Variants in CEP295 observed in about 807,000 individuals in gnomAD.
The protein encoded by CEP295 is centrosomal protein of 295 kDa.
A neutral mutation model predicts 291.6 loss-of-function variants in CEP295; 190 were observed. The ratio of observed to expected loss-of-function variants is 0.65; its 90% CI spans 0.58 to 0.73. The LOEUF (loss-of-function observed/expected upper bound fraction) is 0.73. Ranked by LOEUF, CEP295 falls within the 30% of genes least tolerant of loss-of-function variation. CEP295 has a pLI of 0.00. For missense variants in CEP295, 2,863 were observed against 2,949.4 expected, an observed-to-expected ratio of 0.97 and a Z score of 0.68; for synonymous variants, 993 against 1,038.8, an observed-to-expected ratio of 0.96 and a Z score of 0.85.
chr11:93,691,483 A>C (rs947069782), intron 10 of CEP295, among the ~76,000 whole-genome samples, 200 bp from the exon 11 acceptor site: 3 of 152,156 alleles, frequency 2.0e-5, no homozygotes, highest in Non-Finnish European at 4.4e-5. Flanking sequence ...TCACAATTTC[A>C]GTCTTTCATC....
chr11:93,727,126 A>C lies in CEP295; in HGVS notation c.6650A>C (p.Glu2217Ala). 6.4e-7 allele frequency: 1 copy of C among 1,551,222 alleles called. No homozygotes were observed. Residue 2217 changes from glutamate (E) to alanine (A), a missense_variant, in exon 24 of 30, where the codon GAA becomes GCA. By Grantham distance (107) the Glu-to-Ala change is moderately radical. Coordinates refer to ENST00000325212, the MANE Select transcript of CEP295 (RefSeq NM_033395.2). ...NQNYPSEEHTEILQNKKKIVH... is the reference protein window; with the variant it reads ...NQNYPSEEHTAILQNKKKIVH... Reference sequence around the variant, plus strand: ...AACTATCCCTCTGAAGAACATACTGAAATATTACAAAACAAGAAAAAAATT... The same window carrying C: ...AACTATCCCTCTGAAGAACATACTGCAATATTACAAAACAAGAAAAAAATT...
chr11:93,670,812 A>C (rs7127033), intron 5 of CEP295, among the ~76,000 whole-genome samples: 139,844 of 152,206 alleles, frequency 0.92, 65,059 homozygotes, highest in East Asian at 0.99. Context: ...AAAGTCAAAA[A>C]TTTATAAAAA....
intron 20 of CEP295, chr11:93,722,766 T>C: frequency 3.5e-6 from 1 of 285,370 alleles, no homozygotes; most frequent in Non-Finnish European, 6.7e-6. Context: ...AATTACATTT[T>C]TTTTTCTTTT....
intron 24 of CEP295, 88 bp downstream of exon 24, chr11:93,727,725 A>G: frequency 1.9e-6 from 2 of 1,058,576 alleles, no homozygotes; most frequent in South Asian, 3.5e-5. Flanking sequence ...TGAAGTTCCC[A>G]CTATGCTACC....
At chr11:93,701,568 A>T (rs2135141722) in intron 15 of CEP295, among the ~76,000 whole-genome samples, 1 of 152,218 alleles carries the variant, frequency 6.6e-6, no homozygotes, top group African/African-American at 2.4e-5. Flanking sequence ...GGAAAGATGA[A>T]ATGGAGGCTA....
chr11:93,707,310 C>T (rs1027424870), intron 18 of CEP295, among the ~76,000 whole-genome samples: 7 of 152,164 alleles, frequency 4.6e-5, no homozygotes, highest in Middle Eastern at 3.4e-3. Context: ...ATTTAAATCA[C>T]TTAATCCTAA....
chr11:93,680,336 G>A (rs540078257), intron 7 of CEP295, among the ~76,000 whole-genome samples: 15 of 152,342 alleles, frequency 9.8e-5, no homozygotes, highest in Non-Finnish European at 1.6e-4. Flanking sequence ...GCTCAGGCCT[G>A]TCTCAGGCCT....
intron 19 of CEP295, 155 bp from the exon 20 acceptor site, chr11:93,721,799 G>T (rs1227948957): frequency 4.2e-6 from 3 of 720,882 alleles, no homozygotes; most frequent in Admixed American, 1.9e-5. Flanking sequence ...TCATTTCTGG[G>T]CAATGATGAA....
intron 5 of CEP295, 58 bp downstream of exon 5, chr11:93,669,828 G>A: frequency 8.9e-7 from 1 of 1,118,846 alleles, no homozygotes; most frequent in East Asian, 2.6e-5. Flanking sequence ...TTATAATTCA[G>A]TGGAGGTCAG....
chr11:93,693,016 G>A (rs1211482580), intron 12 of CEP295, among the ~76,000 whole-genome samples: 2 of 148,458 alleles, frequency 1.3e-5, no homozygotes, highest in Admixed American at 6.8e-5. Flanking sequence ...GGTGGCTCAC[G>A]CCTGTAATCC....
Position 93,699,288 on chromosome 11 carries a change from T to G in CEP295, c.4376T>G (p.Leu1459Arg), listed in dbSNP as rs3802774. Reference sequence around the variant, plus strand: ...CCTCAACAAGATAATTTGATTGCACTTGAAGAACACTTGCATGCACAGACA... The same window carrying G: ...CCTCAACAAGATAATTTGATTGCACGTGAAGAACACTTGCATGCACAGACA... Reference protein sequence around the residue: ...VLPQQDNLIALEEHLHAQTDF... With the variant: ...VLPQQDNLIAREEHLHAQTDF... Residue 1459 changes from leucine (L) to arginine (R), a missense_variant, in exon 15 of 30, where the codon CTT (leucine) becomes CGT (arginine). By Grantham distance (102) the Leu-to-Arg change is moderately radical. Transcript: ENST00000325212. 4.0e-3 allele frequency: 6,187 copies of G among 1,552,004 alleles called. 151 individuals carry two copies. In the East Asian group the frequency reaches 0.069, roughly 17 times the overall value.
Position 93,684,191 on chromosome 11 carries a change from G to A in CEP295, c.1114+63G>A, listed in dbSNP as rs1951112824. 4 of 1,444,984 alleles carry A rather than the reference G, an allele frequency of 2.8e-6. No individual in the cohort carries two copies. In the South Asian group the frequency reaches 3.9e-5, roughly 14 times the overall value. 89.5% of individuals were successfully genotyped at this position (1,444,984 alleles called of 1,614,324 possible). On this transcript the variant is annotated intron_variant, in intron 9 of 29. Transcript: ENST00000325212. Reference sequence around the variant, plus strand: ...CAGAAAAAAAAAATGCTAACCATTAGCCAGCAGTTAGGAAAATCTGGTCTG... The same window carrying A: ...CAGAAAAAAAAAATGCTAACCATTAACCAGCAGTTAGGAAAATCTGGTCTG...
In CEP295 at chr11:93,669,932, A is replaced by G. The variant is rs57546530; in HGVS notation, c.528+162A>G. Among the ~76,000 whole-genome samples the G allele has an allele frequency of 4.7e-3, 719 of 152,234 alleles. 6 individuals are homozygous for G. Among genetic ancestry groups the G allele is most frequent in the African/African-American group, 0.015 (641 of 41,564 alleles). On this transcript the variant is annotated intron_variant, in intron 5 of 29. Transcript: ENST00000325212. Reference sequence around the variant, plus strand: ...CTGGAGTATGTTAAAATAATTCTAGATATCATTTCACCTGTAAATACTTTA... The same window carrying G: ...CTGGAGTATGTTAAAATAATTCTAGGTATCATTTCACCTGTAAATACTTTA...
chr11:93,723,083 C>T lies in CEP295; in HGVS notation c.5990C>T (p.Thr1997Ile). Residue 1997 changes from threonine (T) to isoleucine (I), a missense_variant, in exon 21 of 30, where the codon ACC (threonine) becomes ATC (isoleucine). Around this residue, in one of 3 missense-constraint regions of CEP295, gnomAD observed 2,295 missense variants for 2,335.7 expected, o/e 0.98. Transcript: ENST00000325212. Reference sequence around the variant, plus strand: ...ATGGATGATAGCAAGCAAGAATCTACCACCAGTAAAGAAGAGGAAACAAAT... The same window carrying T: ...ATGGATGATAGCAAGCAAGAATCTATCACCAGTAAAGAAGAGGAAACAAAT... ...EHMDDSKQES[T>I]TSKEEETNII... 1.3e-6 allele frequency: 2 copies of T among 1,550,776 alleles called. No individual in the cohort carries two copies. The highest frequency in any genetic ancestry group is 1.7e-6 in the Non-Finnish European group (2 of 1,146,308).
intron 6 of CEP295, among the ~76,000 whole-genome samples, chr11:93,678,616 G>A (rs1205309090): frequency 6.6e-6 from 1 of 152,138 alleles, no homozygotes; most frequent in Non-Finnish European, 1.5e-5. Flanking sequence ...ATACTTGAAA[G>A]TGAATGTTCA....
At chr11:93,693,181 G>A (rs1325008074) in intron 12 of CEP295, among the ~76,000 whole-genome samples, 1 of 151,394 alleles carries the variant, frequency 6.6e-6, no homozygotes, top group Non-Finnish European at 1.5e-5. Context: ...GGAGGCTGAG[G>A]CAGGAGAATG....
intron 18 of CEP295, 29 bp downstream of exon 18, chr11:93,706,926 A>G (rs1952547459): frequency 1.3e-6 from 2 of 1,487,544 alleles, no homozygotes; most frequent in Admixed American, 2.3e-5. Context: ...GTGGAATTGT[A>G]TGCACAAGGA....
At chr11:93,714,398 G>A (rs966271646) in intron 18 of CEP295, among the ~76,000 whole-genome samples, 17 of 152,204 alleles carry the variant, frequency 1.1e-4, no homozygotes, top group African/African-American at 2.2e-4. Flanking sequence ...CTACAGGCGC[G>A]TGCCACCACG....
chr11:93,697,888 G>T lies in CEP295; in HGVS notation c.2976G>T (p.Glu992Asp), dbSNP rs1951933380. ...GAAGAGTATGTTCCGAACAGGCTGA[G>T]CCCTCTTTCCCATTTCAGGTAGCTC... ...LDRRVCSEQA[E>D]PSFPFQVAQH... The change falls in exon 15 of 30, where the codon GAG (glutamate) becomes GAT (aspartate). Residue 992 changes from glutamate (E) to aspartate (D), a missense_variant. By Grantham distance (45) the Glu-to-Asp change is conservative. Transcript: ENST00000325212. 1 of 1,551,580 alleles carries T rather than the reference G, an allele frequency of 6.4e-7. No individual in the cohort carries two copies.
Sources: gnomAD v4.1 joint callset for allele counts (sites outside exome capture counted in the v4.1 genomes callset) on GRCh38, gnomAD v4.1.1 for gene constraint, gnomAD v4.1.1 regional missense constraint, MANE v1.5 for transcripts, NCBI Gene and HGNC (gene_info 2026-07-23, HGNC 2026-07-21) for gene names.